The following MTAP variants were observed in gnomAD, a reference collection of about 807,000 sequenced individuals.
MTAP encodes methylthioadenosine phosphorylase.
MTAP carries 33 observed loss-of-function variants against 33.6 expected under a neutral mutation model. The ratio of observed to expected loss-of-function variants is 0.98; its 90% confidence interval spans 0.74 to 1.31. The LOEUF is 1.31. Among genes scored for constraint, MTAP ranks in the 40% most tolerant of loss-of-function variants. MTAP has a pLI of 0.00. For missense variants in MTAP, 367 were observed against 360.0 expected (o/e 1.02, Z -0.16); for synonymous variants, 148 against 125.7 (o/e 1.18, Z -1.19).
At chr9:21,825,089 A>G (rs1387261437) in intron 4 of MTAP, among the ~76,000 whole-genome samples, 1 of 151,982 alleles carries the variant, frequency 6.6e-6, no homozygotes, top group African/African-American at 2.4e-5. Flanking sequence ...CTCACACTCG[A>G]TGGGCTGCAC....
At chr9:21,808,133 C>T (rs1165599059) in intron 1 of MTAP, among the ~76,000 whole-genome samples, 1 of 152,254 alleles carries the variant, frequency 6.6e-6, no homozygotes, top group Admixed American at 6.5e-5. Flanking sequence ...TAGGTTTTGA[C>T]AAGCCTTAGA....
chr9:21,904,191 A>G (rs562452611), intron 1 of MTAP, among the ~76,000 whole-genome samples: 3 of 152,242 alleles, frequency 2.0e-5, no homozygotes, highest in South Asian at 2.1e-4. Context: ...GCTCCTCTCA[A>G]CATCCAGCTG....
At chr9:21,901,619 C>A (rs56213153) in intron 1 of MTAP, among the ~76,000 whole-genome samples, 39,989 of 151,928 alleles carry the variant, frequency 0.26, 5,507 homozygotes, top group Admixed American at 0.37. Flanking sequence ...AGGGAGGATA[C>A]CTCAACCTCC....
intron 4 of MTAP, among the ~76,000 whole-genome samples, chr9:21,829,227 G>T (rs908379482): frequency 6.6e-6 from 1 of 152,104 alleles, no homozygotes; most frequent in African/African-American, 2.4e-5. Context: ...TGTTTAACAG[G>T]ATTGTAACAT....
At chr9:21,845,369 T>C (rs543942009) in intron 5 of MTAP, among the ~76,000 whole-genome samples, 1 of 152,156 alleles carries the variant, frequency 6.6e-6, no homozygotes, top group Admixed American at 6.5e-5. Context: ...AATAGCACTT[T>C]TATAGACCAA....
chr9:21,820,282 C>T (rs1824599053), intron 4 of MTAP, among the ~76,000 whole-genome samples: 1 of 152,150 alleles, frequency 6.6e-6, no homozygotes. Flanking sequence ...TTAGGTCTAA[C>T]ATTTAAGTCT....
intron 1 of MTAP, among the ~76,000 whole-genome samples, chr9:21,876,856 T>C (rs530015929): frequency 2.6e-5 from 4 of 152,172 alleles, no homozygotes; most frequent in African/African-American, 9.6e-5. Flanking sequence ...GGCTCTTTTT[T>C]TGGTTCCATG....
chr9:21,897,912 C>T (rs1818324434), intron 1 of MTAP, among the ~76,000 whole-genome samples: 1 of 152,284 alleles, frequency 6.6e-6, no homozygotes, highest in African/African-American at 2.4e-5. Flanking sequence ...AAAAAAGAGC[C>T]CGCATTGCCA....
At chr9:21,804,649 T>TGTGA (rs1824158695) in intron 1 of MTAP, among the ~76,000 whole-genome samples, 1 of 152,182 alleles carries the variant, frequency 6.6e-6, no homozygotes, top group Non-Finnish European at 1.5e-5. Context: ...GTATAGAAGA[T>TGTGA]GTGAGGTGCC....
At chr9:21,803,251 C>T (rs1824112482) in intron 1 of MTAP, 2 of 297,024 alleles carry the variant, frequency 6.7e-6, no homozygotes, top group African/African-American at 2.2e-5. Context: ...AGCTTCCGCT[C>T]TCTGACTCTG....
intron 4 of MTAP, among the ~76,000 whole-genome samples, chr9:21,829,620 G>A (rs1291086383): frequency 1.1e-4 from 16 of 146,644 alleles, no homozygotes; most frequent in Non-Finnish European, 2.2e-4. Flanking sequence ...TTGTCAGCAC[G>A]TTGTCTCAGA....
At chr9:21,836,436 T>A (rs1232622071) in intron 4 of MTAP, among the ~76,000 whole-genome samples, 1 of 151,906 alleles carries the variant, frequency 6.6e-6, no homozygotes, top group East Asian at 1.9e-4. Context: ...TGGGCAGAGG[T>A]AGATGAAATG....
At chr9:21,879,418 T>C (rs979570116) in intron 1 of MTAP, among the ~76,000 whole-genome samples, 16 of 152,168 alleles carry the variant, frequency 1.1e-4, no homozygotes, top group African/African-American at 1.4e-4. Flanking sequence ...TTTTCCGCCA[T>C]CCCTTTATTT....
intron 5 of MTAP, among the ~76,000 whole-genome samples, chr9:21,851,959 T>TTGTGGGACCTTGTGATCA (rs1370547738): frequency 6.6e-6 from 1 of 152,186 alleles, no homozygotes. Context: ...AGATGGCCCA[T>TTGTGGGACCTTGTGATCA]TGTGGGACCT....
chr9:21,822,310 A>C (rs1358582065), intron 4 of MTAP, among the ~76,000 whole-genome samples: 3 of 152,320 alleles, frequency 2.0e-5, no homozygotes, highest in Admixed American at 2.0e-4. Context: ...AATGTGTCCC[A>C]GAGATTCTGG....
At chr9:21,933,342 C>T (rs867001037), downstream of MTAP, 34 of 152,214 alleles carry the variant, frequency 2.2e-4, 1 homozygote, top group South Asian at 1.0e-3. Flanking sequence ...CATTTATAAG[C>T]TTGTCTCTCT....
At chr9:21,938,228 C>T (rs1169441292), downstream of MTAP, among the ~76,000 whole-genome samples, 4 of 150,120 alleles carry the variant, frequency 2.7e-5, no homozygotes, top group Non-Finnish European at 5.9e-5. Context: ...GAGCCAAGAT[C>T]ACACCACTGC....
chr9:21,863,255 C>CT lies in MTAP; in HGVS notation c.*1246dup, dbSNP rs1825788628. ...ATTTTATACGAGTTGGTAATTTTTG[C>CT]TTTTTAATAAAGTGGAAGCTTGCTT... On this transcript the variant is annotated 3_prime_UTR_variant, in exon 8 of 8. Transcript: ENST00000644715. The CT allele has an allele frequency of 1.0e-6, 1 of 980,602 alleles. No individual in the cohort carries two copies. The highest frequency in any genetic ancestry group is 1.8e-5 in the African/African-American group (1 of 57,056). 60.7% of individuals were successfully genotyped at this position (980,602 alleles called of 1,614,324 possible). A position where few individuals can be genotyped will look rare whatever the true frequency, so the allele number is the denominator to read the frequency against.
intron 1 of MTAP, among the ~76,000 whole-genome samples, chr9:21,904,235 A>G (rs1318076824): frequency 6.6e-6 from 1 of 152,106 alleles, no homozygotes; most frequent in African/African-American, 2.4e-5. Flanking sequence ...GGTCCTCTCC[A>G]CGTTCAGCCG....
Sources: allele counts gnomAD v4.1 joint callset (sites outside exome capture counted in the v4.1 genomes callset), GRCh38; gene constraint gnomAD v4.1.1; transcripts MANE v1.5; gene names NCBI Gene and HGNC (gene_info 2026-07-23, HGNC 2026-07-21).